ANTXRL: variants seen among roughly 807,000 people sequenced by gnomAD.
The protein encoded by ANTXRL is anthrax toxin receptor-like.
In ANTXRL, 63 loss-of-function variants were observed where a neutral mutation model predicts 75.4. The ratio of observed to expected loss-of-function variants is 0.84; its 90% CI spans 0.68 to 1.03. The LOEUF (loss-of-function observed/expected upper bound fraction) is 1.03. ANTXRL is among the 50% of genes least tolerant of loss of function. The pLI is 0.00. For missense variants in ANTXRL, 797 were observed against 789.4 expected (o/e 1.01, Z -0.12); for synonymous variants, 335 against 291.3 (o/e 1.15, Z -1.53).
intron 10 of ANTXRL, among the ~76,000 whole-genome samples, chr10:46,305,582 C>T (rs1379471592): frequency 2.6e-5 from 4 of 152,124 alleles, no homozygotes; most frequent in Non-Finnish European, 4.4e-5. Flanking sequence ...TCCTGGCAGC[C>T]GAGCCCAGTG....
At chr10:46,295,880 G>A in intron 3 of ANTXRL, 139 bp from the exon 4 acceptor site, 1 of 722,896 alleles carries the variant, frequency 1.4e-6, no homozygotes, top group Non-Finnish European at 2.4e-6. Context: ...TGAGGAATGA[G>A]GAGGACAAAG....
At chr10:46,290,536 G>C (rs1836942797) in intron 1 of ANTXRL, among the ~76,000 whole-genome samples, 1 of 152,170 alleles carries the variant, frequency 6.6e-6, no homozygotes, top group African/African-American at 2.4e-5. Context: ...GAAATGCCAA[G>C]CTGTTTCCCA....
chr10:46,307,379 C>A, intron 11 of ANTXRL, 23 bp from the exon 12 acceptor site: 3 of 1,512,670 alleles, frequency 2.0e-6, no homozygotes, highest in Non-Finnish European at 2.7e-6. Flanking sequence ...TGGCTCTCAC[C>A]ATCTGCATTT....
At chr10:46,293,808 C>A in intron 2 of ANTXRL, 21 bp from the exon 3 acceptor site, 2 of 1,533,932 alleles carry the variant, frequency 1.3e-6, no homozygotes, top group South Asian at 1.2e-5. Context: ...GGCTTCTCAC[C>A]AGCACATGAT....
chr10:46,304,042 C>G (rs1396395424), intron 10 of ANTXRL, among the ~76,000 whole-genome samples: 1 of 152,282 alleles, frequency 6.6e-6, no homozygotes, highest in East Asian at 1.9e-4. Context: ...CCTGTCATCC[C>G]CACATTCCCA....
chr10:46,290,080 C>T (rs77091873), intron 1 of ANTXRL, among the ~76,000 whole-genome samples: 4,720 of 121,768 alleles, frequency 0.039, 162 homozygotes, highest in East Asian at 0.12. Flanking sequence ...GAGTATTCTG[C>T]TGCCTGGCTG....
In ANTXRL at chr10:46,297,241, T is replaced by C; in HGVS notation, c.509-11T>C. ...CTTTGCTGAGCAGGCCACTCTTTGC[T>C]TCTTCTACAGACAAGGTTCCCAGCA... On this transcript the variant is annotated splice_polypyrimidine_tract_variant and intron_variant, in intron 5 of 16. Coordinates refer to ENST00000620264, the MANE Select transcript of ANTXRL (RefSeq NM_001278688.3). The C allele has an allele frequency of 6.5e-7, 1 of 1,536,120 alleles. No homozygotes were observed. Among genetic ancestry groups the C allele is most frequent in the Non-Finnish European group, 8.7e-7 (1 of 1,146,600 alleles).
rs1554962724 is a variant in ANTXRL at position 46,309,133 on chromosome 10, C to T, written c.1065C>T (p.Leu355=). The part of the protein sequence containing the change: ...STTCGIFRNW[L]YFVPLLLLVP... ...ACCAGGGCATTTTCCGCAACTGGCT[C>T]TATTTTGTGCCACTCCTGCTGCTTG... is the stretch of plus-strand genomic sequence containing the variant. The change falls in exon 13 of 17, where the codon CTC becomes CTT. Residue 355 remains leucine, a synonymous_variant. Coordinates refer to ENST00000620264, the MANE Select transcript of ANTXRL (RefSeq NM_001278688.3). 6.6e-6 allele frequency: 10 copies of T among 1,522,016 alleles called. No homozygotes were observed. Among genetic ancestry groups the T allele is most frequent in the Non-Finnish European group, 8.7e-6 (10 of 1,146,232 alleles). 94.3% of individuals were successfully genotyped at this position (1,522,016 alleles called of 1,614,324 possible).
Position 46,330,041 on chromosome 10 carries a change from C to G in ANTXRL, c.1853C>G (p.Ala618Gly). ...PLLSPLLRHT[A>G]EPPLSLPPSE... ...CTGTCCCCACTGCTCAGGCACACGG[C>G]AGAACCCCCTTTGTCACTCCCCCCC... The change falls in exon 17 of 17, where the codon GCA becomes GGA. Residue 618 changes from alanine to glycine, a missense_variant. This residue lies in a region of ANTXRL where 479 missense variants were observed against 422.0 expected (regional missense o/e 1.14). Transcript: ENST00000620264. 3 of 1,529,940 alleles carry G rather than the reference C, an allele frequency of 2.0e-6. No homozygotes were observed. The highest frequency in any genetic ancestry group is 2.6e-6 in the Non-Finnish European group (3 of 1,142,810). The allele number at this position is 1,529,940 out of a possible 1,614,324, so 94.8% of individuals were successfully genotyped here. A position where few individuals can be genotyped will look rare whatever the true frequency, so the allele number is the denominator to read the frequency against.
chr10:46,303,114 C>A (rs1194888721), intron 10 of ANTXRL, among the ~76,000 whole-genome samples: 1 of 152,200 alleles, frequency 6.6e-6, no homozygotes, highest in South Asian at 2.1e-4. Flanking sequence ...CATCTGCCCA[C>A]CTTAGCCTCA....
At position 46,292,075 on chromosome 10, in the gene ANTXRL, A is replaced by G. The variant is rs781871211; in HGVS notation, c.266A>G (p.Asn89Ser). The change falls in exon 2 of 17, where the codon AAT (asparagine) becomes AGT (serine). Residue 89 changes from asparagine to serine, a missense_variant. This residue lies in a region of ANTXRL where 262 missense variants were observed against 271.9 expected (regional missense o/e 0.96). Transcript: ENST00000620264. ...TGTTTTAGGTCTGGCAGCGTGAACA[A>G]TAACTGGATTGACCTTTATATGTGG... ...FILDKSGSVNNNWIDLYMWVE... is the reference protein window; with the variant it reads ...FILDKSGSVNSNWIDLYMWVE... 2.0e-6 allele frequency: 3 copies of G among 1,536,338 alleles called. No individual in the cohort carries two copies. Among genetic ancestry groups the G allele is most frequent in the Non-Finnish European group, 1.7e-6 (2 of 1,146,828 alleles).
In ANTXRL at chr10:46,327,733, G is replaced by C. The variant is rs769237274; in HGVS notation, c.1411-1866G>C. ...TTCAAGCAAGCTCAAAGTCTGCATGGTCTGTGGAACACCTGTGAGGAATGG... is the reference window on the plus strand; with the variant it reads ...TTCAAGCAAGCTCAAAGTCTGCATGCTCTGTGGAACACCTGTGAGGAATGG... On this transcript the variant is annotated intron_variant, in intron 16 of 16. Transcript: ENST00000620264. 3.3e-4 allele frequency among the ~76,000 whole-genome samples: 51 copies of C among 152,262 alleles called. 1 individual carries two copies. Among genetic ancestry groups the C allele is most frequent in the South Asian group, 6.2e-4 (3 of 4,824 alleles).
intron 10 of ANTXRL, among the ~76,000 whole-genome samples, chr10:46,306,590 G>A (rs1225530834): frequency 2.0e-5 from 3 of 152,078 alleles, no homozygotes; most frequent in Non-Finnish European, 4.4e-5. Flanking sequence ...GTCCTTGAGA[G>A]CAGGGACTCT....
rs186894295 is a variant in ANTXRL, at chr10:46,287,124, G to A, written c.-139G>A. ...GAGGTACCTGGTGGAGGGCCATAGT[G>A]TGCACTGGTGAAAGGGCAGGAGGAG... On this transcript the variant is annotated 5_prime_UTR_variant, in exon 1 of 17. In the 5' UTR this introduces an upstream ATG that the reference lacks. Coordinates refer to ENST00000620264, the MANE Select transcript of ANTXRL (RefSeq NM_001278688.3). 3.0e-3 allele frequency: 3,353 copies of A among 1,117,112 alleles called. 17 individuals carry two copies. Among genetic ancestry groups the A allele is most frequent in the South Asian group, 5.0e-3 (309 of 61,390 alleles). The allele number at this position is 1,117,112 out of a possible 1,614,324, so 69.2% of individuals were successfully genotyped here. A position where few individuals can be genotyped will look rare whatever the true frequency, so the allele number is the denominator to read the frequency against.
intron 16 of ANTXRL, among the ~76,000 whole-genome samples, chr10:46,315,428 C>G (rs781954588): frequency 4.6e-5 from 7 of 151,772 alleles, no homozygotes; most frequent in Non-Finnish European, 2.9e-5. Flanking sequence ...AGTGAGACGT[C>G]CTGCCAGGAC....
At chr10:46,302,674 C>A (rs1554960845) in intron 9 of ANTXRL, 48 bp from the exon 10 acceptor site, 2 of 1,361,376 alleles carry the variant, frequency 1.5e-6, no homozygotes, top group Non-Finnish European at 2.0e-6. Context: ...AGAGGGGAGG[C>A]AGCCCCCTAC....
intron 16 of ANTXRL, among the ~76,000 whole-genome samples, chr10:46,324,710 TTCA>T (rs1554966135): frequency 2.6e-5 from 4 of 152,166 alleles, no homozygotes; most frequent in African/African-American, 9.7e-5. Flanking sequence ...CCCATAAATA[TTCA>T]GGTGTTTTAG....
intron 10 of ANTXRL, among the ~76,000 whole-genome samples, chr10:46,306,261 A>G (rs1554961851): frequency 1.3e-5 from 2 of 152,220 alleles, no homozygotes; most frequent in Non-Finnish European, 2.9e-5. Context: ...CAAAATAACA[A>G]GAATTGTGCA....
intron 16 of ANTXRL, among the ~76,000 whole-genome samples, chr10:46,313,684 T>C (rs1838563720): frequency 6.6e-6 from 1 of 152,142 alleles, no homozygotes; most frequent in South Asian, 2.1e-4. Flanking sequence ...AGACTAATAA[T>C]TATATAATTA....
Sources: gnomAD v4.1 joint callset for allele counts (sites outside exome capture counted in the v4.1 genomes callset) on GRCh38, gnomAD v4.1.1 for gene constraint, gnomAD v4.1.1 regional missense constraint, MANE v1.5 for transcripts, NCBI Gene and HGNC (gene_info 2026-07-23, HGNC 2026-07-21) for gene names.